Variants in CALCR observed in about 807,000 individuals in gnomAD.
The protein encoded by CALCR is calcitonin receptor.
A neutral mutation model predicts 59.5 loss-of-function variants in CALCR; 47 were observed. The observed-to-expected ratio is 0.79, with a 90% CI of 0.63 to 1.01. The LOEUF is 1.01. Among genes scored for constraint, CALCR ranks in the 50% least tolerant of loss-of-function variants. The probability of loss-of-function intolerance (pLI) is 0.00; values close to 1 mark genes in which losing one functional copy is unlikely to be tolerated. For missense variants in CALCR, 566 were observed against 597.1 expected (o/e 0.95, Z 0.54); for synonymous variants, 213 against 211.3 (o/e 1.01, Z -0.07).
chr7:93,486,687 TA>T (rs1800952798), intron 3 of CALCR, among the ~76,000 whole-genome samples: 1 of 151,546 alleles, frequency 6.6e-6, no homozygotes, highest in African/African-American at 2.4e-5. Flanking sequence ...AAATTAATGC[TA>T]AAGTTTTGTA....
At chr7:93,497,310 G>C (rs1271075546) in intron 2 of CALCR, among the ~76,000 whole-genome samples, 2 of 151,560 alleles carry the variant, frequency 1.3e-5, no homozygotes, top group African/African-American at 2.4e-5. Flanking sequence ...AGCACATTGA[G>C]CTCTTATAAA....
intron 2 of CALCR, among the ~76,000 whole-genome samples, chr7:93,568,233 A>G (rs1563023832): frequency 6.6e-6 from 1 of 152,156 alleles, no homozygotes; most frequent in Non-Finnish European, 1.5e-5. Context: ...GGCTAAAAAG[A>G]AGGAAGCAGC....
At chr7:93,548,501 A>G (rs1789354955) in intron 2 of CALCR, among the ~76,000 whole-genome samples, 1 of 152,222 alleles carries the variant, frequency 6.6e-6, no homozygotes, top group African/African-American at 2.4e-5. Context: ...GAGGGAAATA[A>G]CTATAATAAA....
chr7:93,570,615 T>TA (rs1789979046), intron 2 of CALCR, among the ~76,000 whole-genome samples: 1 of 152,262 alleles, frequency 6.6e-6, no homozygotes, highest in Admixed American at 6.5e-5. Flanking sequence ...TATGCTATTT[T>TA]TAAAAAATAA....
At chr7:93,511,619 A>T (rs1168318849) in intron 2 of CALCR, among the ~76,000 whole-genome samples, 1 of 152,188 alleles carries the variant, frequency 6.6e-6, no homozygotes, top group Non-Finnish European at 1.5e-5. Flanking sequence ...GGAAAAAAAA[A>T]TAGCAGATTC....
At chr7:93,570,243 A>G (rs543194458) in intron 2 of CALCR, among the ~76,000 whole-genome samples, 1 of 152,272 alleles carries the variant, frequency 6.6e-6, no homozygotes, top group Non-Finnish European at 1.5e-5. Flanking sequence ...AGAGGGGGAG[A>G]AATTAAAGAT....
At chr7:93,561,866 G>C (rs1204208685) in intron 2 of CALCR, among the ~76,000 whole-genome samples, 3 of 152,084 alleles carry the variant, frequency 2.0e-5, no homozygotes, top group Non-Finnish European at 4.4e-5. Flanking sequence ...TGTGTGCTCT[G>C]CCTTCAGTAG....
chr7:93,550,488 CAAAAAAAAAAAA>C (rs11287815), intron 2 of CALCR, among the ~76,000 whole-genome samples: 4 of 26,572 alleles, frequency 1.5e-4, no homozygotes, highest in Non-Finnish European at 1.9e-4. Context: ...AACTCCGTCT[CAAAAAAAAAAAA>C]AAAAAAAAAA....
rs138038114 is a variant in CALCR at position 93,475,366 on chromosome 7, T to C, written c.316+2192A>G. ...CACTAGACAAACCCTATTTAAAGCA[T>C]CTCTATTGGACATTAACAACATGTG... is the stretch of plus-strand genomic sequence containing the variant. On this transcript the variant is annotated intron_variant, in intron 5 of 13. Coordinates refer to ENST00000426151, the MANE Select transcript of CALCR (RefSeq NM_001742.4). 2.7e-4 allele frequency among the ~76,000 whole-genome samples: 41 copies of C among 151,902 alleles called. No individual in the cohort carries two copies. The East Asian group carries it at 7.8e-3, about 29-fold the overall frequency.
chr7:93,496,993 T>A (rs1300083041), intron 2 of CALCR, among the ~76,000 whole-genome samples: 1 of 151,508 alleles, frequency 6.6e-6, no homozygotes, highest in Non-Finnish European at 1.5e-5. Context: ...AATATGGCCA[T>A]AAACCCAATT....
chr7:93,466,100 A>G (rs1288829431), intron 7 of CALCR, among the ~76,000 whole-genome samples: 1 of 151,872 alleles, frequency 6.6e-6, no homozygotes, highest in Admixed American at 6.6e-5. Context: ...TGGTTTCCTG[A>G]AAGTTTTATA....
At chr7:93,448,837 C>A (rs2115751419) in intron 8 of CALCR, among the ~76,000 whole-genome samples, 1 of 152,008 alleles carries the variant, frequency 6.6e-6, no homozygotes, top group African/African-American at 2.4e-5. Flanking sequence ...ATACAGGCTA[C>A]TTTACAGTAA....
chr7:93,551,610 T>G (rs1425916514), intron 2 of CALCR, among the ~76,000 whole-genome samples: 2 of 152,184 alleles, frequency 1.3e-5, no homozygotes, highest in African/African-American at 4.8e-5. Flanking sequence ...GGTAAAATCT[T>G]GTAGGAGCTT....
intron 5 of CALCR, 56 bp from the exon 6 acceptor site, chr7:93,472,543 A>C: frequency 4.9e-6 from 5 of 1,021,616 alleles, no homozygotes; most frequent in Non-Finnish European, 7.7e-6. Flanking sequence ...CAACAAGGAA[A>C]AATAATAAAT....
At chr7:93,430,446 A>G (rs1387033798) in intron 13 of CALCR, among the ~76,000 whole-genome samples, 1 of 152,208 alleles carries the variant, frequency 6.6e-6, no homozygotes, top group South Asian at 2.1e-4. Flanking sequence ...TGATTATAGA[A>G]TCAGAGCTTT....
intron 5 of CALCR, among the ~76,000 whole-genome samples, chr7:93,476,704 T>G (rs1383587829): frequency 6.6e-6 from 1 of 151,898 alleles, no homozygotes; most frequent in East Asian, 1.9e-4. Context: ...CAACAGCTCT[T>G]CGTGCCAATC....
intron 2 of CALCR, among the ~76,000 whole-genome samples, chr7:93,553,393 T>C (rs925038752): frequency 6.6e-6 from 1 of 152,134 alleles, no homozygotes. Flanking sequence ...TTGGTCCAGA[T>C]AATGAGCAAG....
At chr7:93,426,675 C>G (rs1221220874) in intron 13 of CALCR, 86 bp from the exon 14 acceptor site, 2 of 714,590 alleles carry the variant, frequency 2.8e-6, no homozygotes, top group Non-Finnish European at 4.7e-6. Flanking sequence ...TAGAGCTTAT[C>G]AGATTTAAAG....
At chr7:93,569,306 C>A (rs1485475564) in intron 2 of CALCR, among the ~76,000 whole-genome samples, 1 of 152,064 alleles carries the variant, frequency 6.6e-6, no homozygotes, top group Admixed American at 6.6e-5. Flanking sequence ...AAATGCAAAC[C>A]CTTTAGTATG....
Sources: gnomAD v4.1 joint callset for allele counts (sites outside exome capture counted in the v4.1 genomes callset) on GRCh38, gnomAD v4.1.1 for gene constraint, MANE v1.5 for transcripts, NCBI Gene and HGNC (gene_info 2026-07-23, HGNC 2026-07-21) for gene names.